The following HAS3 variants were observed in gnomAD, a reference collection of about 807,000 sequenced individuals.
HAS3 encodes hyaluronan synthase 3.
HAS3 carries 27 observed loss-of-function variants against 50.3 expected under a neutral mutation model. The ratio of observed to expected loss-of-function variants is 0.54; its 90% confidence interval spans 0.40 to 0.74. The LOEUF (loss-of-function observed/expected upper bound fraction) is 0.74, where lower values mean the gene tolerates loss of function less well. Among genes scored for constraint, HAS3 ranks in the 30% least tolerant of loss-of-function variants. The pLI is 0.00. For missense variants in HAS3, 517 were observed against 742.8 expected, an observed-to-expected ratio of 0.70 and a Z score of 3.53; for synonymous variants, 339 against 310.9, an observed-to-expected ratio of 1.09 and a Z score of -0.95.
Position 69,109,466 on chromosome 16 carries a change from G to T in HAS3, c.71G>T (p.Gly24Val). 1.2e-6 allele frequency: 2 copies of T among 1,613,526 alleles called. No homozygotes were observed. ...CTGTTTGCCCTGGCAGTGCTGGGTG[G>T]CATCCTGGCAGCCTATGTGACGGGC... ...TSLFALAVLG[G>V]ILAAYVTGYQ... is the part of the protein sequence containing the mutation. The change falls in exon 2 of 4, where the codon GGC becomes GTC. Residue 24 changes from glycine (G) to valine (V), a missense_variant. Gly to Val is a moderately radical substitution (Grantham distance 109, BLOSUM62 -3). Transcript: ENST00000569188. This position sits in a 1 kb window ranked among gnomAD's most constrained non-coding sequence, Gnocchi z 5.3.
chr16:69,096,270 C>T, the HAS3 span, among the ~76,000 whole-genome samples: 1 of 148,326 alleles, frequency 6.7e-6, no homozygotes, highest in Non-Finnish European at 1.5e-5. Flanking sequence ...CGGTGGCTCA[C>T]GCCTGTAATC....
the HAS3 span, among the ~76,000 whole-genome samples, chr16:69,085,450 G>T: frequency 6.6e-6 from 1 of 151,952 alleles, no homozygotes. Context: ...GATTTTTTTT[G>T]AGGTGGGGTC....
At chr16:69,093,022 A>T in the HAS3 span, among the ~76,000 whole-genome samples, 1 of 152,176 alleles carries the variant, frequency 6.6e-6, no homozygotes, top group Non-Finnish European at 1.5e-5. Context: ...GTAAACATCT[A>T]AGACTGCCTT....
In HAS3 at chr16:69,109,671, C is replaced by T. The variant is rs148778202; in HGVS notation, c.276C>T (p.Ala92=). 2.2e-5 allele frequency: 35 copies of T among 1,610,080 alleles called. No homozygotes were observed. The highest frequency in any genetic ancestry group is 1.6e-4 in the Middle Eastern group (1 of 6,084). ...PRRGSVALCI[A]AYQEDPDYLR... Reference sequence around the variant, plus strand: ...GGGGCTCGGTGGCACTGTGCATTGCCGCATACCAGGAGGACCCTGACTACT... The same window carrying T: ...GGGGCTCGGTGGCACTGTGCATTGCTGCATACCAGGAGGACCCTGACTACT... The change falls in exon 2 of 4, where the codon GCC becomes GCT. Residue 92 remains alanine (A), a synonymous_variant. Coordinates refer to ENST00000569188, the MANE Select transcript of HAS3 (RefSeq NM_001199280.2). The surrounding 1 kb of genome is among the most constrained non-coding windows in gnomAD (Gnocchi z 5.3).
At position 69,114,910 on chromosome 16, in the gene HAS3, A is replaced by G; in HGVS notation, c.1306A>G (p.Met436Val). The G allele has an allele frequency of 6.2e-7, 1 of 1,614,072 alleles. No individual in the cohort carries two copies. The highest frequency in any genetic ancestry group is 8.5e-7 in the Non-Finnish European group (1 of 1,180,022). Residue 436 changes from methionine (M) to valine (V), a missense_variant, in exon 4 of 4, where the codon ATG (methionine) becomes GTG (valine). Transcript: ENST00000569188. The surrounding 1 kb of genome is among the most constrained non-coding windows in gnomAD (Gnocchi z 6.4). ...CTGCTTCCTTCGGGGCAATGCAGAG[A>G]TGATCTTCATGTCCCTCTACTCCCT... is the stretch of plus-strand genomic sequence containing the variant. ...YACFLRGNAE[M>V]IFMSLYSLLY... is the part of the protein sequence containing the mutation.
At chr16:69,112,725 T>C (rs6499218) in intron 2 of HAS3, among the ~76,000 whole-genome samples, 5,871 of 152,274 alleles carry the variant, frequency 0.039, 379 homozygotes, top group African/African-American at 0.13. Context: ...TGGCCTGGGT[T>C]CAACTCATAA....
the HAS3 span, chr16:69,084,444 C>G: frequency 1.3e-5 from 2 of 152,330 alleles, no homozygotes; most frequent in Non-Finnish European, 1.5e-5. Flanking sequence ...TACATCCTGC[C>G]TTCTGTCCTC....
At chr16:69,100,086 T>C in the HAS3 span, among the ~76,000 whole-genome samples, 1 of 152,176 alleles carries the variant, frequency 6.6e-6, no homozygotes, top group Non-Finnish European at 1.5e-5. Flanking sequence ...AGAGGGAGAC[T>C]GGAGTTAAAA....
intron 2 of HAS3, among the ~76,000 whole-genome samples, chr16:69,111,156 G>GGTTTT (rs1960987308): frequency 1.2e-5 from 1 of 80,192 alleles, no homozygotes; most frequent in African/African-American, 4.6e-5. Flanking sequence ...TCTAGGCCAG[G>GGTTTT]ATTTTTTTTT....
Position 69,107,813 on chromosome 16 carries a change from A to C in HAS3, c.1-1583A>C. The C allele has an allele frequency of 3.1e-6, 2 of 643,414 alleles. No homozygotes were observed. The highest frequency in any genetic ancestry group is 3.9e-6 in the Non-Finnish European group (2 of 516,890). 39.9% of individuals were successfully genotyped at this position (643,414 alleles called of 1,614,324 possible). ...GGGAGGGCTGGGAGTCCTGTGAAGG[A>C]AGCACACGGCGGGCTCCCCGGGACG... On this transcript the variant is annotated intron_variant, in intron 1 of 3. Transcript: ENST00000569188. This position sits in a 1 kb window ranked among gnomAD's most constrained non-coding sequence, Gnocchi z 5.5.
In HAS3 at chr16:69,117,124, C is replaced by T. The variant is rs887011233; in HGVS notation, c.*1858C>T. 6 of 985,694 alleles carry T rather than the reference C, an allele frequency of 6.1e-6. No homozygotes were observed. The highest frequency in any genetic ancestry group is 5.2e-4 in the Middle Eastern group (1 of 1,936). 61.1% of individuals were successfully genotyped at this position (985,694 alleles called of 1,614,324 possible). A position where few individuals can be genotyped will look rare whatever the true frequency, so the allele number is the denominator to read the frequency against. ...GGAAGGCAGCAGGCATTTGCTAAGG[C>T]AGCTGATCCAGGCAATCGTTCTGCT... On this transcript the variant is annotated 3_prime_UTR_variant, in exon 4 of 4. Coordinates refer to ENST00000569188, the MANE Select transcript of HAS3 (RefSeq NM_001199280.2).
rs909041070 is a variant in HAS3, at chr16:69,106,118, G to T, written c.-1+331G>T. ...CGGGGTCGGGGGTGCGCCCGCGGGGGCCCTCCCACTCTGGTCAACTTTCCC... is the reference window on the plus strand; with the variant it reads ...CGGGGTCGGGGGTGCGCCCGCGGGGTCCCTCCCACTCTGGTCAACTTTCCC... On this transcript the variant is annotated intron_variant, in intron 1 of 3. Coordinates refer to ENST00000569188, the MANE Select transcript of HAS3 (RefSeq NM_001199280.2). This position sits in a 1 kb window ranked among gnomAD's most constrained non-coding sequence, Gnocchi z 5.5. 4.6e-5 allele frequency: 7 copies of T among 152,052 alleles called. No individual in the cohort carries two copies. The highest frequency in any genetic ancestry group is 1.7e-4 in the African/African-American group (7 of 41,430). 9.4% of individuals were successfully genotyped at this position (152,052 alleles called of 1,614,324 possible).
chr16:69,098,963 G>C, the HAS3 span, among the ~76,000 whole-genome samples: 24 of 147,932 alleles, frequency 1.6e-4, no homozygotes, highest in Admixed American at 4.0e-4. Flanking sequence ...CGCCCAGCCT[G>C]AACCTGATCT....
the HAS3 span, among the ~76,000 whole-genome samples, chr16:69,092,717 C>G: frequency 6.6e-6 from 1 of 152,166 alleles, no homozygotes; most frequent in East Asian, 1.9e-4. Flanking sequence ...AACCCAACCT[C>G]AAGCCAGGCA....
At chr16:69,094,113 A>G in the HAS3 span, among the ~76,000 whole-genome samples, 2 of 152,212 alleles carry the variant, frequency 1.3e-5, no homozygotes, top group Non-Finnish European at 2.9e-5. Context: ...GCCGGAGCAC[A>G]GGAGCACCTC....
At position 69,114,021 on chromosome 16, in the gene HAS3, T is replaced by C. The variant is rs1490434102; in HGVS notation, c.739-322T>C. On this transcript the variant is annotated intron_variant, in intron 3 of 3. Transcript: ENST00000569188. This position sits in a 1 kb window ranked among gnomAD's most constrained non-coding sequence, Gnocchi z 6.4. ...CAGGACAGGTGGTTGTGGTGGTGTT[T>C]TGCATTCTTCCCAAGCCCCCTTCTC... Among the ~76,000 whole-genome samples the C allele has an allele frequency of 6.6e-6, 1 of 152,182 alleles. No individual in the cohort carries two copies. Among genetic ancestry groups the C allele is most frequent in the Admixed American group, 6.5e-5 (1 of 15,276 alleles).
At chr16:69,104,804 G>A (rs549175218), upstream of HAS3, among the ~76,000 whole-genome samples, 1 of 151,968 alleles carries the variant, frequency 6.6e-6, no homozygotes, top group Non-Finnish European at 1.5e-5. Flanking sequence ...TGCCTGCGGG[G>A]ACTGAGGTGT....
At position 69,116,977 on chromosome 16, in the gene HAS3, G is replaced by A. The variant is rs1961210721; in HGVS notation, c.*1711G>A. 2.0e-6 allele frequency: 2 copies of A among 985,322 alleles called. No individual in the cohort carries two copies. The highest frequency in any genetic ancestry group is 3.5e-5 in the African/African-American group (2 of 57,222). The allele number at this position is 985,322 out of a possible 1,614,324, so 61.0% of individuals were successfully genotyped here. On this transcript the variant is annotated 3_prime_UTR_variant, in exon 4 of 4. Coordinates refer to ENST00000569188, the MANE Select transcript of HAS3 (RefSeq NM_001199280.2). ...GAGCCACAGATGGGCAAACCCTGGTGCTTTCCTTCATCTCCCACGAACTCA... is the reference window on the plus strand; with the variant it reads ...GAGCCACAGATGGGCAAACCCTGGTACTTTCCTTCATCTCCCACGAACTCA...
chr16:69,114,230 C>G lies in HAS3; in HGVS notation c.739-113C>G. On this transcript the variant is annotated intron_variant, in intron 3 of 3. Coordinates refer to ENST00000569188, the MANE Select transcript of HAS3 (RefSeq NM_001199280.2). This position sits in a 1 kb window ranked among gnomAD's most constrained non-coding sequence, Gnocchi z 6.4. ...TCCCAGCTCCAAAGGAACCGATGGCCAGGAATCTAAGCAGCGGGCCACAGA... is the reference window on the plus strand; with the variant it reads ...TCCCAGCTCCAAAGGAACCGATGGCGAGGAATCTAAGCAGCGGGCCACAGA... 1 of 1,478,612 alleles carries G rather than the reference C, an allele frequency of 6.8e-7. No homozygotes were observed. The highest frequency in any genetic ancestry group is 2.3e-5 in the Admixed American group (1 of 43,594). The allele number at this position is 1,478,612 out of a possible 1,614,324, so 91.6% of individuals were successfully genotyped here.
Sources: gnomAD v4.1 joint callset for allele counts (sites outside exome capture counted in the v4.1 genomes callset) on GRCh38, gnomAD v4.1.1 for gene constraint, Gnocchi (gnomAD v3.1) non-coding constraint, MANE v1.5 for transcripts, NCBI Gene and HGNC (gene_info 2026-07-23, HGNC 2026-07-21) for gene names.